Variants in MAP4K4 observed in about 807,000 individuals in gnomAD.
MAP4K4 encodes HPK/GCK-like kinase HGK.
In MAP4K4, 38 loss-of-function variants were observed where a neutral mutation model predicts 189.6. The observed-to-expected ratio is 0.20, with a 90% CI of 0.15 to 0.26. The LOEUF is 0.26. Among genes scored for constraint, MAP4K4 ranks in the 10% least tolerant of loss-of-function variants. The pLI is 1.00. For missense variants in MAP4K4, 1,054 were observed against 1,726.9 expected, an observed-to-expected ratio of 0.61 and a Z score of 6.91; for synonymous variants, 610 against 624.3, an observed-to-expected ratio of 0.98 and a Z score of 0.34.
Position 101,780,526 on chromosome 2 carries a change from A to G in MAP4K4, c.124-10194A>G, listed in dbSNP as rs932956174. ...TTCTGGATAAATGCTTAGCCATTATAATAAACAAGCTTTTTATTAAAATCC... is the reference window on the plus strand; with the variant it reads ...TTCTGGATAAATGCTTAGCCATTATGATAAACAAGCTTTTTATTAAAATCC... On this transcript the variant is annotated intron_variant, in intron 2 of 32. Coordinates refer to ENST00000324219, the Ensembl canonical transcript of MAP4K4. 8.5e-5 allele frequency among the ~76,000 whole-genome samples: 13 copies of G among 152,374 alleles called. 1 individual carries two copies. The highest frequency in any genetic ancestry group is 5.8e-4 in the East Asian group (3 of 5,188).
intron 2 of MAP4K4, among the ~76,000 whole-genome samples, chr2:101,782,674 C>G (rs1226362297): frequency 6.6e-6 from 1 of 152,086 alleles, no homozygotes; most frequent in African/African-American, 2.4e-5. Context: ...TACTCCTGCT[C>G]TATTAGGACT....
chr2:101,799,441 C>T (rs1215794418), intron 3 of MAP4K4, among the ~76,000 whole-genome samples: 2 of 152,192 alleles, frequency 1.3e-5, no homozygotes, highest in Non-Finnish European at 2.9e-5. Context: ...CCTCCCTCCA[C>T]CTGTGGCAAT....
chr2:101,734,507 T>C lies in MAP4K4; in HGVS notation c.123+35969T>C, dbSNP rs558680068. Among the ~76,000 whole-genome samples the C allele has an allele frequency of 3.9e-5, 6 of 152,360 alleles. No individual in the cohort carries two copies. The East Asian group carries it at 7.7e-4, about 20-fold the overall frequency. On this transcript the variant is annotated intron_variant, in intron 2 of 32. Coordinates refer to ENST00000324219, the Ensembl canonical transcript of MAP4K4. The stretch of plus-strand genomic sequence containing the variant: ...CAAAGATTTTAAAATTTACATTCTT[T>C]CGTATCAGCAGATACATACCAGTTC...
chr2:101,860,129 T>A, intron 15 of MAP4K4: 1 of 524,528 alleles, frequency 1.9e-6, no homozygotes, highest in South Asian at 2.2e-5. Context: ...AACTAAAAGA[T>A]TACATGACAC....
chr2:101,755,729 C>T (rs113223898), intron 2 of MAP4K4, among the ~76,000 whole-genome samples: 168 of 152,180 alleles, frequency 1.1e-3, no homozygotes, highest in African/African-American at 3.8e-3. Context: ...AACTCGAAAT[C>T]AATAGCTGAT....
chr2:101,765,946 G>A (rs2078445637), intron 2 of MAP4K4, among the ~76,000 whole-genome samples: 1 of 152,000 alleles, frequency 6.6e-6, no homozygotes, highest in South Asian at 2.1e-4. Flanking sequence ...TTTTCAGCTT[G>A]CTTGTTTCAT....
intron 3 of MAP4K4, among the ~76,000 whole-genome samples, chr2:101,823,088 C>T (rs1353655923): frequency 6.6e-6 from 1 of 152,196 alleles, no homozygotes; most frequent in Non-Finnish European, 1.5e-5. Flanking sequence ...CTGGTGTGCA[C>T]AGCGTCTTCT....
chr2:101,891,177 C>T (rs1237891295), exon 33 of MAP4K4: 1 of 1,613,746 alleles, frequency 6.2e-7, no homozygotes, highest in South Asian at 1.1e-5. Flanking sequence ...TGTTCTTTGC[C>T]TCTGTTCGGT....
At chr2:101,850,531 G>T (rs754553235) in intron 12 of MAP4K4, among the ~76,000 whole-genome samples, 66 of 152,146 alleles carry the variant, frequency 4.3e-4, no homozygotes, top group Non-Finnish European at 9.1e-4. Flanking sequence ...TACAGAAAAG[G>T]TCTTTGTTTT....
At chr2:101,713,589 C>T (rs942996292) in intron 2 of MAP4K4, among the ~76,000 whole-genome samples, 5 of 113,738 alleles carry the variant, frequency 4.4e-5, no homozygotes, top group Non-Finnish European at 9.0e-5. Context: ...AGAGTGAGAC[C>T]TTGTCTAAAA....
At chr2:101,846,579 C>G (rs919399093) in intron 12 of MAP4K4, among the ~76,000 whole-genome samples, 1 of 152,216 alleles carries the variant, frequency 6.6e-6, no homozygotes, top group Middle Eastern at 3.4e-3. Flanking sequence ...TGAAGGTGAG[C>G]GATGGCTCAC....
At chr2:101,721,306 G>A (rs2051786852) in intron 2 of MAP4K4, among the ~76,000 whole-genome samples, 1 of 151,980 alleles carries the variant, frequency 6.6e-6, no homozygotes, top group Non-Finnish European at 1.5e-5. Flanking sequence ...CTCTAGGGCA[G>A]TGTGAAAAAC....
chr2:101,708,648 C>T (rs1388623770), intron 2 of MAP4K4, among the ~76,000 whole-genome samples: 1 of 152,048 alleles, frequency 6.6e-6, no homozygotes, highest in Non-Finnish European at 1.5e-5. Flanking sequence ...GAAATTAACC[C>T]AATTCAAGCT....
chr2:101,859,558 CT>C (rs1407617301), intron 14 of MAP4K4, 84 bp from the exon 15 acceptor site: 11 of 1,094,784 alleles, frequency 1.0e-5, no homozygotes, highest in Non-Finnish European at 1.4e-5. Context: ...TATATGGTCA[CT>C]TTTTTTAAAA....
chr2:101,865,352 A>T (rs1229563658), intron 18 of MAP4K4, among the ~76,000 whole-genome samples: 2 of 152,164 alleles, frequency 1.3e-5, no homozygotes, highest in Non-Finnish European at 2.9e-5. Flanking sequence ...GGAGCTTTTC[A>T]TCTAAGGGAT....
At chr2:101,859,201 A>T (rs2149821046) in intron 14 of MAP4K4, 119 bp downstream of exon 14, 7 of 741,470 alleles carry the variant, frequency 9.4e-6, no homozygotes, top group South Asian at 5.6e-5. Flanking sequence ...GCCAGGCTGA[A>T]ATAGTGATGC....
At chr2:101,734,055 C>A (rs952615652) in intron 2 of MAP4K4, among the ~76,000 whole-genome samples, 2 of 152,178 alleles carry the variant, frequency 1.3e-5, no homozygotes, top group Non-Finnish European at 2.9e-5. Context: ...CCCCAAGTGT[C>A]TGGTAATAAT....
At chr2:101,833,053 G>C (rs1169871219) in intron 7 of MAP4K4, among the ~76,000 whole-genome samples, 12 of 152,144 alleles carry the variant, frequency 7.9e-5, no homozygotes. Context: ...CATGTTGCCA[G>C]GAGTGGCCAC....
chr2:101,714,743 G>A (rs1307010460), intron 2 of MAP4K4, among the ~76,000 whole-genome samples: 3 of 152,174 alleles, frequency 2.0e-5, no homozygotes, highest in Non-Finnish European at 2.9e-5. Context: ...GGGCTAGGAG[G>A]AGGCTTGAAG....
Sources: allele counts gnomAD v4.1 joint callset (sites outside exome capture counted in the v4.1 genomes callset), GRCh38; gene constraint gnomAD v4.1.1; transcripts MANE v1.5; gene names NCBI Gene and HGNC (gene_info 2026-07-23, HGNC 2026-07-21).